ECT2: variants seen among roughly 807,000 people sequenced by gnomAD.
ECT2 encodes protein ECT2.
Under a neutral mutation model 116.9 loss-of-function variants are expected in ECT2, and 61 were observed. The ratio of observed to expected loss-of-function variants is 0.52; its 90% confidence interval spans 0.42 to 0.65. The LOEUF is 0.65. Among genes scored for constraint, ECT2 ranks in the 30% least tolerant of loss-of-function variants. ECT2 has a pLI of 0.00. For missense variants in ECT2, 937 were observed against 1,078.7 expected (o/e 0.87, Z 1.84); for synonymous variants, 358 against 346.4 (o/e 1.03, Z -0.37).
intron 14 of ECT2, among the ~76,000 whole-genome samples, chr3:172,778,360 C>T (rs1017539564): frequency 6.6e-6 from 1 of 152,066 alleles, no homozygotes; most frequent in African/African-American, 2.4e-5. Context: ...GGGCATTTTC[C>T]CTCAGAAATG....
intron 18 of ECT2, among the ~76,000 whole-genome samples, chr3:172,795,849 T>C (rs1371154319): frequency 6.6e-6 from 1 of 152,078 alleles, no homozygotes; most frequent in Non-Finnish European, 1.5e-5. Context: ...AATAAATAGG[T>C]TTGTTCTTGG....
chr3:172,755,231 A>G, intron 2 of ECT2, 64 bp from the exon 3 acceptor site: 1 of 1,298,226 alleles, frequency 7.7e-7, no homozygotes, highest in South Asian at 1.4e-5. Context: ...CAAAAGAGCG[A>G]TAAGGACCTA....
At chr3:172,752,012 A>T (rs1041250885) in intron 1 of ECT2, 1 of 152,132 alleles carries the variant, frequency 6.6e-6, no homozygotes, top group African/African-American at 2.4e-5. Context: ...ATTATTAATC[A>T]TCTGCTTTCG....
chr3:172,776,198 C>CTTTTTTTTTTTTTTTTTTTTTTTTTTT (rs60558773), intron 14 of ECT2, among the ~76,000 whole-genome samples: 3 of 111,600 alleles, frequency 2.7e-5, no homozygotes, highest in African/African-American at 3.5e-5. Context: ...TCAGTTTTTT[C>CTTTTTTTTTTTTTTTTTTTTTTTTTTT]TTTTTTTTTT....
chr3:172,806,013 C>A, intron 21 of ECT2, 144 bp downstream of exon 21: 2 of 806,706 alleles, frequency 2.5e-6, no homozygotes, highest in African/African-American at 1.7e-5. Context: ...GTTCTTGCAC[C>A]TCTATCCCAT....
At chr3:172,778,517 A>G (rs1315722636) in intron 14 of ECT2, among the ~76,000 whole-genome samples, 1 of 147,130 alleles carries the variant, frequency 6.8e-6, no homozygotes, top group Admixed American at 6.7e-5. Context: ...CAGCTGTGTG[A>G]TTTGAGGAAA....
the ECT2 span, among the ~76,000 whole-genome samples, chr3:172,827,896 C>A: frequency 2.3e-3 from 351 of 152,206 alleles, 2 homozygotes; most frequent in African/African-American, 7.4e-3. Flanking sequence ...TGTCTTTCCA[C>A]TTTTTTAAGA....
intron 18 of ECT2, among the ~76,000 whole-genome samples, chr3:172,797,018 C>CTGTGTGTGTGTGTGTGTGTGTGTG (rs57188529): frequency 1.8e-4 from 25 of 139,032 alleles, no homozygotes; most frequent in African/African-American, 5.4e-4. Context: ...TCAGGTTCAA[C>CTGTGTGTGTGTGTGTGTGTGTGTG]TGTGTGTGTG....
At chr3:172,762,593 G>A (rs374516578) in intron 9 of ECT2, 47 bp downstream of exon 9, 6 of 1,576,880 alleles carry the variant, frequency 3.8e-6, no homozygotes, top group East Asian at 2.2e-5. Flanking sequence ...TAGTCCCTAG[G>A]CCTGCTTAAT....
At chr3:172,752,322 GT>G in intron 1 of ECT2, 1 of 152,058 alleles carries the variant, frequency 6.6e-6, no homozygotes, top group Non-Finnish European at 1.5e-5. Context: ...TAGAGACGGG[GT>G]TTCATTGTGT....
intron 22 of ECT2, among the ~76,000 whole-genome samples, chr3:172,814,061 T>A (rs1361971534): frequency 6.6e-6 from 1 of 152,098 alleles, no homozygotes. Flanking sequence ...TTACAAGTAC[T>A]ATTAACTGAT....
intron 18 of ECT2, among the ~76,000 whole-genome samples, chr3:172,787,121 T>C (rs532820150): frequency 1.3e-5 from 2 of 152,304 alleles, no homozygotes; most frequent in Admixed American, 1.3e-4. Flanking sequence ...AGAGGACTGA[T>C]CAGAAATGAT....
At position 172,811,320 on chromosome 3, in the gene ECT2, C is replaced by T. The variant is rs2109229702; in HGVS notation, c.2400+3396C>T. ...TTTGCACTTTTGCCTGTGATTTACC[C>T]TATCTACCTTCCTCTGTGCGGAGAG... is the stretch of plus-strand genomic sequence containing the variant. On this transcript the variant is annotated intron_variant, in intron 22 of 24. Transcript: ENST00000392692. Among the ~76,000 whole-genome samples the T allele has an allele frequency of 1.3e-5, 2 of 152,258 alleles. 1 individual carries two copies. The highest frequency in any genetic ancestry group is 4.1e-4 in the South Asian group (2 of 4,826).
At chr3:172,798,628 C>T (rs962974728) in intron 18 of ECT2, among the ~76,000 whole-genome samples, 3 of 152,014 alleles carry the variant, frequency 2.0e-5, no homozygotes, top group African/African-American at 7.2e-5. Flanking sequence ...GTTTTGTTTT[C>T]CAGACTTAAG....
At chr3:172,775,307 G>A (rs1437109322) in intron 14 of ECT2, among the ~76,000 whole-genome samples, 2 of 152,070 alleles carry the variant, frequency 1.3e-5, no homozygotes, top group Non-Finnish European at 2.9e-5. Context: ...AAATATATAA[G>A]ATTGTTTTTT....
At chr3:172,825,623 TC>T (rs1486878320), downstream of ECT2, among the ~76,000 whole-genome samples, 1 of 152,156 alleles carries the variant, frequency 6.6e-6, no homozygotes, top group East Asian at 1.9e-4. Flanking sequence ...CAAAGCCTAA[TC>T]CAGAGTAAAT....
intron 14 of ECT2, among the ~76,000 whole-genome samples, chr3:172,774,521 A>G (rs1224023959): frequency 1.3e-5 from 2 of 150,272 alleles, no homozygotes; most frequent in African/African-American, 2.5e-5. Flanking sequence ...GATGGAGAAT[A>G]CTCTCTCACC....
rs1727575973 is a variant in ECT2, at chr3:172,805,799, TTC to T, written c.2179_2180del (p.Leu727Ter). The T allele has an allele frequency of 1.9e-6, 3 of 1,613,776 alleles. No individual in the cohort carries two copies. Among genetic ancestry groups the T allele is most frequent in the Admixed American group, 1.7e-5 (1 of 59,968 alleles). Reference protein sequence around the residue: ...SPHGQTRPPASLKHIHLMPLS... With the variant: ...SPHGQTRPPAXLKHIHLMPLS... ...CTCATGGCCAAACCCGACCCCCAGC[TTC>T]TCTTAAGCATATTCACCTAATGCCT... On this transcript the variant is annotated frameshift_variant, in exon 21 of 25. Coordinates refer to ENST00000392692, the MANE Select transcript of ECT2 (RefSeq NM_001258315.2). LOFTEE classifies it high-confidence loss of function.
intron 11 of ECT2, 147 bp downstream of exon 11, chr3:172,763,119 T>C: frequency 1.3e-6 from 1 of 790,214 alleles, no homozygotes; most frequent in Non-Finnish European, 2.0e-6. Flanking sequence ...TCTATGTAGA[T>C]TTAAGTGGAA....
Sources: gnomAD v4.1 joint callset for allele counts (sites outside exome capture counted in the v4.1 genomes callset) on GRCh38, gnomAD v4.1.1 for gene constraint, MANE v1.5 for transcripts, NCBI Gene and HGNC (gene_info 2026-07-23, HGNC 2026-07-21) for gene names.